GDA: variants seen among roughly 807,000 people sequenced by gnomAD.
The protein encoded by GDA is cytoplasmic PSD-95 interactor.
GDA carries 18 observed loss-of-function variants against 59.6 expected under a neutral mutation model. The observed-to-expected ratio is 0.30, with a 90% CI of 0.21 to 0.45. GDA has a LOEUF of 0.45. Ranked by LOEUF, GDA falls within the 20% of genes least tolerant of loss-of-function variation. GDA has a pLI of 1.00. For synonymous variants in GDA, 201 were observed against 201.1 expected (o/e 1.00, Z 0.00); for missense variants, 427 against 552.3 (o/e 0.77, Z 2.27).
At chr9:72,144,233 A>C (rs1261973383) in intron 1 of GDA, among the ~76,000 whole-genome samples, 6 of 152,168 alleles carry the variant, frequency 3.9e-5, no homozygotes, top group Non-Finnish European at 2.9e-5. Context: ...AAATACTAAT[A>C]ATATTAACAA....
At chr9:72,195,682 A>G in intron 2 of GDA, 94 bp downstream of exon 2, 2 of 433,712 alleles carry the variant, frequency 4.6e-6, no homozygotes, top group Non-Finnish European at 8.5e-6. Context: ...TTAAAAAATA[A>G]TATTAATTTA....
intron 3 of GDA, among the ~76,000 whole-genome samples, chr9:72,204,564 C>T (rs1467880592): frequency 6.6e-6 from 1 of 152,138 alleles, no homozygotes; most frequent in African/African-American, 2.4e-5. Flanking sequence ...TTAAAAAACA[C>T]ATTTGTTAAG....
intron 1 of GDA, among the ~76,000 whole-genome samples, chr9:72,126,279 C>T (rs1260445967): frequency 6.6e-6 from 1 of 152,104 alleles, no homozygotes; most frequent in African/African-American, 2.4e-5. Context: ...ATTATAGTTC[C>T]AAGTACTTAG....
At chr9:72,192,995 G>A (rs1314054422) in intron 1 of GDA, among the ~76,000 whole-genome samples, 1 of 152,048 alleles carries the variant, frequency 6.6e-6, no homozygotes, top group Non-Finnish European at 1.5e-5. Context: ...TTCAATCTCT[G>A]TTAAATTTGT....
At chr9:72,186,777 C>G (rs557007697) in intron 1 of GDA, among the ~76,000 whole-genome samples, 1 of 152,298 alleles carries the variant, frequency 6.6e-6, no homozygotes, top group African/African-American at 2.4e-5. Flanking sequence ...GTTGTTACCC[C>G]TTCCATCCCT....
chr9:72,249,908 G>A lies in GDA; in HGVS notation c.*1566G>A. On this transcript the variant is annotated 3_prime_UTR_variant, in exon 14 of 14. Transcript: ENST00000358399. ...TACTTAGCTAATTTAGCAGTAATTGGCCCAGTTTTTTCCCTAATAGAAATA... is the reference window on the plus strand; with the variant it reads ...TACTTAGCTAATTTAGCAGTAATTGACCCAGTTTTTTCCCTAATAGAAATA... The A allele has an allele frequency of 1.0e-6, 1 of 964,756 alleles. No homozygotes were observed. The highest frequency in any genetic ancestry group is 1.2e-6 in the Non-Finnish European group (1 of 811,182). 59.8% of individuals were successfully genotyped at this position (964,756 alleles called of 1,614,324 possible).
At chr9:72,132,358 G>T (rs1336094285) in intron 1 of GDA, among the ~76,000 whole-genome samples, 1 of 152,094 alleles carries the variant, frequency 6.6e-6, no homozygotes, top group Non-Finnish European at 1.5e-5. Context: ...CATGTCACAG[G>T]ATATAATAAT....
At chr9:72,176,951 G>A (rs915544215) in intron 1 of GDA, among the ~76,000 whole-genome samples, 4 of 152,212 alleles carry the variant, frequency 2.6e-5, no homozygotes, top group Middle Eastern at 3.4e-3. Flanking sequence ...TCTGTAGCCC[G>A]CGCTAAGTAT....
chr9:72,157,264 CT>C (rs1257919935), intron 1 of GDA, among the ~76,000 whole-genome samples: 2 of 152,114 alleles, frequency 1.3e-5, no homozygotes, highest in African/African-American at 4.8e-5. Context: ...TGGTCTTGAA[CT>C]CCTGACCTCA....
intron 1 of GDA, among the ~76,000 whole-genome samples, chr9:72,167,624 C>T (rs1005791392): frequency 1.3e-5 from 2 of 152,206 alleles, no homozygotes; most frequent in Non-Finnish European, 2.9e-5. Context: ...GATTGGCATA[C>T]AGCCTCTCAC....
chr9:72,256,097 T>C (rs1457837534), downstream of GDA, among the ~76,000 whole-genome samples: 1 of 152,240 alleles, frequency 6.6e-6, no homozygotes, highest in Non-Finnish European at 1.5e-5. Flanking sequence ...GGCTGTTCTC[T>C]TATGCTTTTT....
chr9:72,216,123 C>G (rs1009393293), intron 5 of GDA, among the ~76,000 whole-genome samples: 1 of 152,176 alleles, frequency 6.6e-6, no homozygotes, highest in Non-Finnish European at 1.5e-5. Flanking sequence ...GAAAGTTGCC[C>G]AAGAGTCTCA....
Position 72,173,638 on chromosome 9 carries a change from C to T in GDA, c.124-21862C>T, listed in dbSNP as rs540074738. On this transcript the variant is annotated intron_variant, in intron 1 of 13. Transcript: ENST00000358399. Reference sequence around the variant, plus strand: ...GAGCCACCAAGCCTAGCCCTGACTTCCCCTTCTAAGGACACTTGTGATTGT... The same window carrying T: ...GAGCCACCAAGCCTAGCCCTGACTTTCCCTTCTAAGGACACTTGTGATTGT... Among the ~76,000 whole-genome samples the T allele has an allele frequency of 2.2e-3, 333 of 152,278 alleles. 1 individual carries two copies. The highest frequency in any genetic ancestry group is 7.3e-3 in the African/African-American group (303 of 41,554).
intron 1 of GDA, among the ~76,000 whole-genome samples, chr9:72,169,197 T>G (rs1438646954): frequency 6.6e-6 from 1 of 152,172 alleles, no homozygotes; most frequent in Non-Finnish European, 1.5e-5. Flanking sequence ...TAGATATTGG[T>G]TTTGGGAAGT....
intron 1 of GDA, among the ~76,000 whole-genome samples, chr9:72,135,836 C>T (rs924371732): frequency 4.6e-5 from 7 of 151,942 alleles, no homozygotes; most frequent in Non-Finnish European, 1.0e-4. Flanking sequence ...CTCTTGAACT[C>T]CTGACGTCAG....
intron 2 of GDA, among the ~76,000 whole-genome samples, chr9:72,201,588 G>A (rs1834014628): frequency 1.3e-5 from 2 of 152,130 alleles, no homozygotes; most frequent in Admixed American, 1.3e-4. Flanking sequence ...GATAGCATGA[G>A]GAATTATTTG....
Position 72,152,330 on chromosome 9 carries a change from C to T in GDA, c.123+2648C>T, listed in dbSNP as rs370237753. On this transcript the variant is annotated intron_variant, in intron 1 of 13. Coordinates refer to ENST00000358399, the MANE Select transcript of GDA (RefSeq NM_004293.5). ...CCCAGAGAATGCCAATGACTAACTGCTCTTAATACATTAAATTAAAGCTCA... is the reference window on the plus strand; with the variant it reads ...CCCAGAGAATGCCAATGACTAACTGTTCTTAATACATTAAATTAAAGCTCA... Among the ~76,000 whole-genome samples, 675 of 152,278 alleles carry T rather than the reference C, an allele frequency of 4.4e-3. 6 individuals are homozygous for T. The highest frequency in any genetic ancestry group is 0.015 in the African/African-American group (638 of 41,546).
intron 1 of GDA, among the ~76,000 whole-genome samples, chr9:72,168,390 C>CTTTTTTTTTTT (rs77778231): frequency 9.4e-6 from 1 of 105,880 alleles, no homozygotes; most frequent in African/African-American, 3.6e-5. Flanking sequence ...GAGACTTTGT[C>CTTTTTTTTTTT]TTTTTTTTTT....
upstream of GDA, among the ~76,000 whole-genome samples, chr9:72,148,277 G>C (rs1342995389): frequency 6.6e-6 from 1 of 151,282 alleles, no homozygotes; most frequent in Non-Finnish European, 1.5e-5. Flanking sequence ...CACATTCCCT[G>C]CTCCTGTGGT....
Sources: gnomAD v4.1 joint callset for allele counts (sites outside exome capture counted in the v4.1 genomes callset) on GRCh38, gnomAD v4.1.1 for gene constraint, MANE v1.5 for transcripts, NCBI Gene and HGNC (gene_info 2026-07-23, HGNC 2026-07-21) for gene names.